PACRG: variants seen among roughly 807,000 people sequenced by gnomAD.
PACRG encodes the protein parkin coregulated gene protein.
In PACRG, 29 loss-of-function variants were observed where a neutral mutation model predicts 29.7. The observed-to-expected ratio is 0.98, with a 90% confidence interval of 0.73 to 1.33. The LOEUF is 1.33. Among genes scored for constraint, PACRG ranks in the 40% most tolerant of loss-of-function variants. The probability of loss-of-function intolerance (pLI) is 0.00; values close to 1 mark genes in which losing one functional copy is unlikely to be tolerated. For missense variants in PACRG, 279 were observed against 316.2 expected (o/e 0.88, Z 0.89); for synonymous variants, 116 against 118.7 (o/e 0.98, Z 0.15).
At position 162,800,641 on chromosome 6, in the gene PACRG, C is replaced by T. The variant is rs912712773; in HGVS notation, c.157-13506C>T. ...CTGAAGAAAATATGCTTTGAAATGT[C>T]GACTGGGATATGTTTCCATAGCCTG... On this transcript the variant is annotated intron_variant, in intron 1 of 4. Transcript: ENST00000366888. Among the ~76,000 whole-genome samples, 4 of 152,216 alleles carry T rather than the reference C, an allele frequency of 2.6e-5. 1 individual carries two copies. Among genetic ancestry groups the T allele is most frequent in the South Asian group, 4.1e-4 (2 of 4,820 alleles).
At chr6:162,928,231 G>A (rs1480274739) in intron 2 of PACRG, among the ~76,000 whole-genome samples, 1 of 151,734 alleles carries the variant, frequency 6.6e-6, no homozygotes, top group African/African-American at 2.4e-5. Context: ...GCTCTTCTTG[G>A]CTCAATTTTG....
chr6:163,194,819 G>A (rs1477181351), intron 4 of PACRG, among the ~76,000 whole-genome samples: 1 of 152,020 alleles, frequency 6.6e-6, no homozygotes, highest in Non-Finnish European at 1.5e-5. Flanking sequence ...GGAGTGCAAT[G>A]CCCCCCAACC....
At chr6:163,080,084 G>C (rs60761716) in intron 3 of PACRG, among the ~76,000 whole-genome samples, 1 of 151,554 alleles carries the variant, frequency 6.6e-6, no homozygotes, top group African/African-American at 2.4e-5. Flanking sequence ...ATTTTTAGTA[G>C]AGACGGGGTT....
intron 4 of PACRG, among the ~76,000 whole-genome samples, chr6:163,116,911 C>A (rs9295210): frequency 6.6e-6 from 1 of 152,026 alleles, no homozygotes; most frequent in African/African-American, 2.4e-5. Context: ...CGTGGTGAGT[C>A]GGAGGTGCTG....
At chr6:163,242,015 A>C (rs1474269863) in intron 4 of PACRG, among the ~76,000 whole-genome samples, 1 of 152,172 alleles carries the variant, frequency 6.6e-6, no homozygotes, top group Non-Finnish European at 1.5e-5. Flanking sequence ...TCCAAGTTAA[A>C]ACAATTTTTT....
intron 4 of PACRG, among the ~76,000 whole-genome samples, chr6:163,220,525 C>T (rs1427403185): frequency 1.3e-5 from 2 of 152,100 alleles, no homozygotes. Flanking sequence ...GAAAAGACAG[C>T]GTTTGGGAAA....
chr6:162,947,592 A>C (rs1296683239), intron 2 of PACRG, among the ~76,000 whole-genome samples: 8 of 46,064 alleles, frequency 1.7e-4, no homozygotes, highest in Admixed American at 7.3e-4. Flanking sequence ...TCATATATAT[A>C]ATCATATATA....
intron 1 of PACRG, among the ~76,000 whole-genome samples, chr6:162,735,220 T>C (rs969942508): frequency 6.6e-6 from 1 of 152,224 alleles, no homozygotes; most frequent in African/African-American, 2.4e-5. Context: ...ACACTTTTTT[T>C]GGAGAAAGTA....
At chr6:163,274,536 G>C (rs149178536) in intron 4 of PACRG, among the ~76,000 whole-genome samples, 24 of 152,164 alleles carry the variant, frequency 1.6e-4, no homozygotes, top group African/African-American at 5.8e-4. Context: ...TAATCCTTTG[G>C]GTATATAGCC....
intron 4 of PACRG, among the ~76,000 whole-genome samples, chr6:163,122,222 CT>C (rs1277342767): frequency 6.6e-6 from 1 of 151,208 alleles, no homozygotes; most frequent in East Asian, 1.9e-4. Flanking sequence ...ACAAGTTCTT[CT>C]TTGACTTGAT....
intron 4 of PACRG, among the ~76,000 whole-genome samples, chr6:163,255,633 C>CT (rs5881517): frequency 0.19 from 28,716 of 151,112 alleles, 3,219 homozygotes; most frequent in Middle Eastern, 0.3. Flanking sequence ...TCTTCTTGTT[C>CT]TTTTTTTTTG....
At chr6:163,231,328 A>AG (rs1415606774) in intron 4 of PACRG, among the ~76,000 whole-genome samples, 1 of 152,182 alleles carries the variant, frequency 6.6e-6, no homozygotes, top group African/African-American at 2.4e-5. Context: ...GAACAAGAAA[A>AG]CAGTAGTCTG....
chr6:163,004,755 CAT>C (rs201322947), intron 2 of PACRG, among the ~76,000 whole-genome samples: 7,724 of 136,720 alleles, frequency 0.056, 292 homozygotes, highest in Middle Eastern at 0.11. Flanking sequence ...CACACACACA[CAT>C]ATCTGCAAAT....
chr6:162,748,915 CCT>C (rs1398230024), intron 1 of PACRG, among the ~76,000 whole-genome samples: 2 of 152,044 alleles, frequency 1.3e-5, no homozygotes, highest in African/African-American at 2.4e-5. Context: ...ATATTCATCC[CCT>C]CTTTTTAATC....
chr6:163,194,492 T>A (rs1235436891), intron 4 of PACRG, among the ~76,000 whole-genome samples: 2 of 152,080 alleles, frequency 1.3e-5, no homozygotes, highest in African/African-American at 2.4e-5. Context: ...TCCAGGCTGG[T>A]GGTGTCTGGC....
At chr6:162,844,279 G>A (rs9458655) in intron 2 of PACRG, among the ~76,000 whole-genome samples, 39,596 of 150,422 alleles carry the variant, frequency 0.26, 6,406 homozygotes, top group African/African-American at 0.49. Flanking sequence ...CTCCGAGCCA[G>A]GTGCGGGATA....
chr6:163,303,061 G>T (rs1365842182), intron 4 of PACRG, among the ~76,000 whole-genome samples: 1 of 152,114 alleles, frequency 6.6e-6, no homozygotes. Context: ...GCAGGGTGAG[G>T]GGGCCAAGCC....
At chr6:163,195,268 T>C (rs1780400021) in intron 4 of PACRG, among the ~76,000 whole-genome samples, 1 of 152,270 alleles carries the variant, frequency 6.6e-6, no homozygotes, top group Non-Finnish European at 1.5e-5. Context: ...TAATGTTGGC[T>C]AATTGTTTAT....
intron 2 of PACRG, among the ~76,000 whole-genome samples, chr6:162,828,315 A>C (rs1788454860): frequency 6.6e-6 from 1 of 152,228 alleles, no homozygotes. Flanking sequence ...TGATTGCTGA[A>C]GAAAAGTGTT....
Sources: allele counts gnomAD v4.1 joint callset (sites outside exome capture counted in the v4.1 genomes callset), GRCh38; gene constraint gnomAD v4.1.1; transcripts MANE v1.5; gene names NCBI Gene and HGNC (gene_info 2026-07-23, HGNC 2026-07-21).